Variants in CPNE6 observed in about 807,000 individuals in gnomAD.
The protein encoded by CPNE6 is copine-6.
Under a neutral mutation model 71.5 loss-of-function variants are expected in CPNE6, and 33 were observed. The observed-to-expected ratio is 0.46, with a 90% CI of 0.35 to 0.62. The LOEUF (loss-of-function observed/expected upper bound fraction) is 0.62. Among genes scored for constraint, CPNE6 ranks in the 20% least tolerant of loss-of-function variants. CPNE6 has a pLI of 0.00. For missense variants in CPNE6, 576 were observed against 747.3 expected, an observed-to-expected ratio of 0.77 and a Z score of 2.67; for synonymous variants, 296 against 293.0, an observed-to-expected ratio of 1.01 and a Z score of -0.10.
intron 1 of CPNE6, chr14:24,071,271 C>T (rs2035887820): frequency 7.9e-7 from 1 of 1,272,432 alleles, no homozygotes; most frequent in African/African-American, 1.5e-5. Context: ...CATCATTTCT[C>T]TGTTTGAATG....
At chr14:24,071,276 T>C (rs2035888059) in intron 1 of CPNE6, 15 of 1,294,554 alleles carry the variant, frequency 1.2e-5, no homozygotes, top group African/African-American at 3.0e-5. Flanking sequence ...TTTCTCTGTT[T>C]GAATGTGTAT....
At position 24,075,499 on chromosome 14, in the gene CPNE6, G is replaced by C. The variant is rs564075739; in HGVS notation, c.778-6G>C. The C allele has an allele frequency of 6.2e-7, 1 of 1,609,616 alleles. No homozygotes were observed. The highest frequency in any genetic ancestry group is 1.1e-5 in the South Asian group (1 of 90,214). On this transcript the variant is annotated splice_region_variant and splice_polypyrimidine_tract_variant and intron_variant, in intron 9 of 17. Coordinates refer to ENST00000397016, the Ensembl canonical transcript of CPNE6. The surrounding 1 kb of genome is among the most constrained non-coding windows in gnomAD (Gnocchi z 4.3). ...TGTGACCCTGAGCTTGTGGGGTGGG[G>C]TCTAGATGCAGTGGGACTGTATCAA...
intron 1 of CPNE6, 61 bp from the exon 1 acceptor site, chr14:24,071,501 G>GCCGCCCCCCCCCC: frequency 2.8e-6 from 4 of 1,416,700 alleles, no homozygotes; most frequent in South Asian, 1.3e-5. Context: ...CTGGTGCTGC[G>GCCGCCCCCCCCCC]CCCCCCCCCA....
intron 1 of CPNE6, chr14:24,071,095 T>C: frequency 7.0e-7 from 1 of 1,436,472 alleles, no homozygotes; most frequent in Non-Finnish European, 9.5e-7. Flanking sequence ...ACTGCAGATA[T>C]CCTTAGCTAG....
Position 24,074,493 on chromosome 14 carries a change from C to T in CPNE6, c.499-38C>T. ...CCCATCCCCCACCCTCCTTGCAGCT[C>T]TCACCAACCTCAAGGGCCCTTTCTC... is the stretch of plus-strand genomic sequence containing the variant. On this transcript the variant is annotated intron_variant, in intron 6 of 17. Coordinates refer to ENST00000397016, the Ensembl canonical transcript of CPNE6. The surrounding 1 kb of genome is among the most constrained non-coding windows in gnomAD (Gnocchi z 4.5). The T allele has an allele frequency of 6.2e-7, 1 of 1,604,006 alleles. No homozygotes were observed. Among genetic ancestry groups the T allele is most frequent in the Non-Finnish European group, 8.5e-7 (1 of 1,171,024 alleles).
At position 24,073,476 on chromosome 14, in the gene CPNE6, C is replaced by T; in HGVS notation, c.169-23C>T. On this transcript the variant is annotated intron_variant, in intron 3 of 17. Coordinates refer to ENST00000397016, the Ensembl canonical transcript of CPNE6. The surrounding 1 kb of genome is among the most constrained non-coding windows in gnomAD (Gnocchi z 5.5). ...ATCCTCGGTTCCCAGACAGCCCTCG[C>T]CTCCCTTCAACCACTACCACAGGTA... The T allele has an allele frequency of 6.2e-7, 1 of 1,606,812 alleles. No homozygotes were observed. Among genetic ancestry groups the T allele is most frequent in the Non-Finnish European group, 8.5e-7 (1 of 1,176,084 alleles).
At chr14:24,071,382 C>T in intron 1 of CPNE6, 180 bp from the exon 1 acceptor site, 1 of 1,447,628 alleles carries the variant, frequency 6.9e-7, no homozygotes, top group South Asian at 1.4e-5. Context: ...GGGGTCCTGC[C>T]TCTAAGCCAC....
At position 24,076,593 on chromosome 14, in the gene CPNE6, G is replaced by A. The variant is rs371710629; in HGVS notation, c.1165+36G>A. 7.3e-5 allele frequency: 118 copies of A among 1,612,170 alleles called. No individual in the cohort carries two copies. In the African/African-American group the frequency reaches 1.1e-3, roughly 15 times the overall value. The stretch of plus-strand genomic sequence containing the variant: ...AGATTTTCACCTGCCCCGCCTCCCC[G>A]CAGACACACTCCACACAGGAGCACA... On this transcript the variant is annotated intron_variant, in intron 14 of 17. Coordinates refer to ENST00000397016, the Ensembl canonical transcript of CPNE6.
At chr14:24,072,991 G>T in exon 3 of CPNE6, 1 of 1,586,568 alleles carries the variant, frequency 6.3e-7, no homozygotes, top group Non-Finnish European at 8.6e-7. Context: ...GACGCTGGGG[G>T]CCTCTCGGGT....
At position 24,074,117 on chromosome 14, in the gene CPNE6, A is replaced by G. The variant is rs2035985240; in HGVS notation, c.415A>G (p.Thr139Ala). ...GAATGGGAAGACTGCGGGCAAGTCCACCATCACGGTAGGCAAGATCACCTG... is the reference window on the plus strand; with the variant it reads ...GAATGGGAAGACTGCGGGCAAGTCCGCCATCACGGTAGGCAAGATCACCTG... Residue 139 changes from threonine to alanine, a missense_variant, in exon 5 of 18, where the codon ACC becomes GCC. Coordinates refer to ENST00000397016, the Ensembl canonical transcript of CPNE6. The surrounding 1 kb of genome is among the most constrained non-coding windows in gnomAD (Gnocchi z 4.5). 6.2e-7 allele frequency: 1 copy of G among 1,613,986 alleles called. No individual in the cohort carries two copies. The highest frequency in any genetic ancestry group is 8.5e-7 in the Non-Finnish European group (1 of 1,179,974).
chr14:24,075,165 T>G lies in CPNE6; in HGVS notation c.673-7T>G. On this transcript the variant is annotated splice_region_variant and splice_polypyrimidine_tract_variant and intron_variant, in intron 8 of 17. Coordinates refer to ENST00000397016, the Ensembl canonical transcript of CPNE6. This position sits in a 1 kb window ranked among gnomAD's most constrained non-coding sequence, Gnocchi z 4.3. ...ACCTGACCCCACCCCTCCCCCTGCC[T>G]TCTCAGTTCCTGGTGTATGACTATG... The G allele has an allele frequency of 6.2e-7, 1 of 1,608,812 alleles. No individual in the cohort carries two copies. Among genetic ancestry groups the G allele is most frequent in the South Asian group, 1.1e-5 (1 of 90,932 alleles).
chr14:24,072,976 A>G (rs752220644), exon 3 of CPNE6: 2 of 1,583,472 alleles, frequency 1.3e-6, no homozygotes, highest in South Asian at 1.1e-5. Flanking sequence ...TGAGCCCCCA[A>G]CCATGACGCT....
At position 24,073,080 on chromosome 14, in the gene CPNE6, C is replaced by G. The variant is rs2035952793; in HGVS notation, c.144C>G (p.Leu48=). Reference sequence around the variant, plus strand: ...CCCACCCCTGCGTGCTGCTCAAGCTCTACTCTGATGAGCAGTGGGTGGAGG... The same window carrying G: ...CCCACCCCTGCGTGCTGCTCAAGCTGTACTCTGATGAGCAGTGGGTGGAGG... Residue 48 remains leucine (L), a synonymous_variant, in exon 3 of 18, where the codon CTC becomes CTG. Coordinates refer to ENST00000397016, the Ensembl canonical transcript of CPNE6. The surrounding 1 kb of genome is among the most constrained non-coding windows in gnomAD (Gnocchi z 5.5). 4 of 1,499,768 alleles carry G rather than the reference C, an allele frequency of 2.7e-6. No homozygotes were observed. The highest frequency in any genetic ancestry group is 2.7e-5 in the South Asian group (2 of 74,646). 92.9% of individuals were successfully genotyped at this position (1,499,768 alleles called of 1,614,324 possible).
In CPNE6 at chr14:24,073,086, T is replaced by C; in HGVS notation, c.150T>C (p.Ser50=). Residue 50 remains serine (S), a synonymous_variant, in exon 3 of 18, where the codon TCT becomes TCC. Coordinates refer to ENST00000397016, the Ensembl canonical transcript of CPNE6. The surrounding 1 kb of genome is among the most constrained non-coding windows in gnomAD (Gnocchi z 5.5). ...CCTGCGTGCTGCTCAAGCTCTACTCTGATGAGCAGTGGGTGGAGGTGAGAG... is the reference window on the plus strand; with the variant it reads ...CCTGCGTGCTGCTCAAGCTCTACTCCGATGAGCAGTGGGTGGAGGTGAGAG... The C allele has an allele frequency of 6.8e-7, 1 of 1,477,876 alleles. No individual in the cohort carries two copies. The highest frequency in any genetic ancestry group is 2.6e-5 in the East Asian group (1 of 38,734). The allele number at this position is 1,477,876 out of a possible 1,614,324, so 91.5% of individuals were successfully genotyped here.
At chr14:24,071,501 G>T in intron 1 of CPNE6, 61 bp from the exon 1 acceptor site, 11 of 1,416,654 alleles carry the variant, frequency 7.8e-6, no homozygotes, top group South Asian at 2.6e-5. Context: ...CTGGTGCTGC[G>T]CCCCCCCCCA....
Position 24,077,198 on chromosome 14 carries a change from C to T in CPNE6, c.1344C>T (p.Asp448=), listed in dbSNP as rs2036110836. The change falls in exon 16 of 18, where the codon GAC becomes GAT. Residue 448 remains aspartate, a synonymous_variant. Transcript: ENST00000397016. The surrounding 1 kb of genome is among the most constrained non-coding windows in gnomAD (Gnocchi z 6.1). ...TGCTCACTGACGGTGTGGTGAGCGA[C>T]ATGGCTGAGACTCGCACTGCTATCG... The T allele has an allele frequency of 6.2e-7, 1 of 1,610,124 alleles. No individual in the cohort carries two copies. The highest frequency in any genetic ancestry group is 8.5e-7 in the Non-Finnish European group (1 of 1,179,980).
chr14:24,071,501 G>GGGCGCCCCCCCCC, intron 1 of CPNE6, 61 bp from the exon 1 acceptor site: 1 of 1,416,704 alleles, frequency 7.1e-7, no homozygotes, highest in Non-Finnish European at 9.3e-7. Context: ...CTGGTGCTGC[G>GGGCGCCCCCCCCC]CCCCCCCCCA....
Position 24,073,636 on chromosome 14 carries a change from A to G in CPNE6, c.306A>G (p.Arg102=). 1 of 1,613,938 alleles carries G rather than the reference A, an allele frequency of 6.2e-7. No individual in the cohort carries two copies. Reference sequence around the variant, plus strand: ...CCGAGGACGGAGCCACCAGCCCCCGAAATGATACCTTCCTCGGCTCTACGG... The same window carrying G: ...CCGAGGACGGAGCCACCAGCCCCCGGAATGATACCTTCCTCGGCTCTACGG... The change falls in exon 4 of 18, where the codon CGA becomes CGG. Residue 102 remains arginine, a synonymous_variant. Coordinates refer to ENST00000397016, the Ensembl canonical transcript of CPNE6. The surrounding 1 kb of genome is among the most constrained non-coding windows in gnomAD (Gnocchi z 5.5).
chr14:24,075,937 T>C lies in CPNE6; in HGVS notation c.924+51T>C, dbSNP rs1349748144. The C allele has an allele frequency of 1.2e-6, 2 of 1,603,428 alleles. No homozygotes were observed. The highest frequency in any genetic ancestry group is 2.7e-5 in the African/African-American group (2 of 74,776). ...AGGCAAGAGGGAGGGGCTGAGTCCA[T>C]AGTGAAAGGAAGGAGCCCAGAATCT... On this transcript the variant is annotated intron_variant, in intron 11 of 17. Transcript: ENST00000397016. This position sits in a 1 kb window ranked among gnomAD's most constrained non-coding sequence, Gnocchi z 4.3.
Sources: gnomAD v4.1 joint callset for allele counts on GRCh38, gnomAD v4.1.1 for gene constraint, Gnocchi (gnomAD v3.1) non-coding constraint, MANE v1.5 for transcripts, NCBI Gene and HGNC (gene_info 2026-07-23, HGNC 2026-07-21) for gene names.